Variants in KCNJ6 observed in about 807,000 individuals in gnomAD.
KCNJ6 encodes potassium inwardly rectifying channel subfamily J member 6.
KCNJ6 carries 9 observed loss-of-function variants against 34.2 expected under a neutral mutation model. The ratio of observed to expected loss-of-function variants is 0.26; its 90% CI spans 0.16 to 0.46. The LOEUF is 0.46. Ranked by LOEUF, KCNJ6 falls within the 20% of genes least tolerant of loss-of-function variation. KCNJ6 has a pLI of 1.00. For missense variants in KCNJ6, 236 were observed against 531.3 expected, an observed-to-expected ratio of 0.44 and a Z score of 5.46; for synonymous variants, 196 against 207.1, an observed-to-expected ratio of 0.95 and a Z score of 0.46.
intron 3 of KCNJ6, among the ~76,000 whole-genome samples, chr21:37,654,893 A>G (rs1053629727): frequency 6.6e-5 from 10 of 151,532 alleles, no homozygotes; most frequent in African/African-American, 2.2e-4. Flanking sequence ...GCCAATCGGC[A>G]TGGACATCCC....
intron 3 of KCNJ6, among the ~76,000 whole-genome samples, chr21:37,633,845 G>T (rs192540181): frequency 6.6e-6 from 1 of 152,110 alleles, no homozygotes; most frequent in East Asian, 1.9e-4. Context: ...TCATGGATAG[G>T]ATGATTAAAC....
intron 2 of KCNJ6, among the ~76,000 whole-genome samples, chr21:37,758,492 G>A (rs1380816110): frequency 6.6e-6 from 1 of 152,202 alleles, no homozygotes; most frequent in Non-Finnish European, 1.5e-5. Flanking sequence ...TTGCCATGAT[G>A]TGAATTGCTT....
chr21:37,738,691 G>C (rs951112259), intron 2 of KCNJ6, among the ~76,000 whole-genome samples: 1 of 152,106 alleles, frequency 6.6e-6, no homozygotes, highest in Non-Finnish European at 1.5e-5. Flanking sequence ...CCCTTTCCCT[G>C]AGCCCCAAGA....
chr21:37,834,010 C>T (rs2055439765), intron 2 of KCNJ6, among the ~76,000 whole-genome samples: 2 of 152,346 alleles, frequency 1.3e-5, no homozygotes, highest in Non-Finnish European at 2.9e-5. Flanking sequence ...TCCTCCACTA[C>T]ATCCCACTGG....
chr21:37,664,871 A>G (rs999578029), intron 3 of KCNJ6, among the ~76,000 whole-genome samples: 2 of 139,604 alleles, frequency 1.4e-5, no homozygotes, highest in African/African-American at 5.4e-5. Context: ...ATCTTGGCTC[A>G]CTGCAAGCTC....
intron 2 of KCNJ6, among the ~76,000 whole-genome samples, chr21:37,802,134 G>A (rs1175411478): frequency 2.0e-5 from 3 of 152,120 alleles, no homozygotes; most frequent in Non-Finnish European, 2.9e-5. Context: ...ATAGCATGGC[G>A]GGGGTGAAGG....
chr21:37,640,914 G>A (rs560037944), intron 3 of KCNJ6, among the ~76,000 whole-genome samples: 1 of 152,136 alleles, frequency 6.6e-6, no homozygotes, highest in African/African-American at 2.4e-5. Context: ...AAGCCCATAG[G>A]ATCCCAGGTT....
intron 2 of KCNJ6, among the ~76,000 whole-genome samples, chr21:37,837,779 T>C (rs991775403): frequency 4.6e-5 from 7 of 152,114 alleles, no homozygotes; most frequent in African/African-American, 1.4e-4. Context: ...TGTGTGGTAA[T>C]TATATGTTAA....
At chr21:37,902,908 T>C (rs2055823689) in intron 1 of KCNJ6, among the ~76,000 whole-genome samples, 1 of 152,242 alleles carries the variant, frequency 6.6e-6, no homozygotes, top group Admixed American at 6.5e-5. Flanking sequence ...GCATATAAAT[T>C]ACCCTTCCTT....
rs2054258594 is a variant in KCNJ6 at position 37,614,687 on chromosome 21, TGCATGTC to T, written c.*10465_*10471del. The T allele has an allele frequency of 6.7e-6, 1 of 149,294 alleles. No individual in the cohort carries two copies. Among genetic ancestry groups the T allele is most frequent in the African/African-American group, 2.5e-5 (1 of 40,734 alleles). The allele number at this position is 149,294 out of a possible 1,614,324, so 9.2% of individuals were successfully genotyped here. ...GTGTCTCTGTGTATGCGTGTGTGTA[TGCATGTC>T]TTGGTGTGTGTATGCATGTGCATGT... On this transcript the variant is annotated 3_prime_UTR_variant, in exon 4 of 4. Coordinates refer to ENST00000609713, the MANE Select transcript of KCNJ6 (RefSeq NM_002240.5).
intron 2 of KCNJ6, among the ~76,000 whole-genome samples, chr21:37,837,221 G>T (rs570188097): frequency 6.6e-6 from 1 of 150,892 alleles, no homozygotes; most frequent in South Asian, 2.1e-4. Flanking sequence ...TCCTTATCAT[G>T]CCCGTCCTCG....
At chr21:37,832,067 G>A (rs1427494208) in intron 2 of KCNJ6, among the ~76,000 whole-genome samples, 2 of 152,076 alleles carry the variant, frequency 1.3e-5, no homozygotes, top group Non-Finnish European at 2.9e-5. Flanking sequence ...GTTTTCCTGG[G>A]TGGTTGTCAC....
At chr21:37,826,990 G>A (rs1396918659) in intron 2 of KCNJ6, among the ~76,000 whole-genome samples, 1 of 152,178 alleles carries the variant, frequency 6.6e-6, no homozygotes, top group Non-Finnish European at 1.5e-5. Context: ...GGGACTCAGC[G>A]ACTCTCAGGA....
chr21:37,885,854 C>T (rs767194006), intron 1 of KCNJ6, among the ~76,000 whole-genome samples: 1 of 152,236 alleles, frequency 6.6e-6, no homozygotes. Context: ...CTGCAAGATG[C>T]TAAGTTTGCA....
intron 2 of KCNJ6, among the ~76,000 whole-genome samples, chr21:37,750,045 A>AAAATG (rs2054987508): frequency 6.6e-6 from 1 of 152,252 alleles, no homozygotes; most frequent in South Asian, 2.1e-4. Context: ...CATTTAAAAA[A>AAAATG]AAATGCTTGC....
chr21:37,795,590 C>CA (rs2055237319), intron 2 of KCNJ6, among the ~76,000 whole-genome samples: 1 of 151,874 alleles, frequency 6.6e-6, no homozygotes, highest in Admixed American at 6.6e-5. Context: ...ACTAAAAATA[C>CA]AAAAATTAGC....
intron 2 of KCNJ6, among the ~76,000 whole-genome samples, chr21:37,717,633 G>A (rs1272887999): frequency 6.6e-6 from 1 of 152,196 alleles, no homozygotes; most frequent in Non-Finnish European, 1.5e-5. Flanking sequence ...TATATGGAAC[G>A]GTGTCTGGGC....
chr21:37,695,588 T>C lies in KCNJ6; in HGVS notation c.946+18623A>G, dbSNP rs1275512518. Among the ~76,000 whole-genome samples, 7 of 152,184 alleles carry C rather than the reference T, an allele frequency of 4.6e-5. No individual in the cohort carries two copies. The highest frequency in any genetic ancestry group is 3.9e-4 in the Admixed American group (6 of 15,286). On this transcript the variant is annotated intron_variant, in intron 3 of 3. Coordinates refer to ENST00000609713, the MANE Select transcript of KCNJ6 (RefSeq NM_002240.5). This position sits in a 1 kb window ranked among gnomAD's most constrained non-coding sequence, Gnocchi z 4.2. ...CACTCCAGATCAACATGCTGGTAAG[T>C]ATTGGAGTGAGGAGCTTGGGATTTC...
At chr21:37,834,684 G>A (rs1352596501) in intron 2 of KCNJ6, among the ~76,000 whole-genome samples, 1 of 152,172 alleles carries the variant, frequency 6.6e-6, no homozygotes, top group African/African-American at 2.4e-5. Flanking sequence ...GATTGTAATT[G>A]GTTCTCTGTC....
Sources: allele counts gnomAD v4.1 joint callset (sites outside exome capture counted in the v4.1 genomes callset), GRCh38; gene constraint gnomAD v4.1.1; non-coding constraint Gnocchi (gnomAD v3.1); transcripts MANE v1.5; gene names NCBI Gene and HGNC (gene_info 2026-07-23, HGNC 2026-07-21).